Variants in SMIM36 observed in about 807,000 individuals in gnomAD.
SMIM36 encodes the protein small integral membrane protein 36.
intron 3 of SMIM36, among the ~76,000 whole-genome samples, chr17:55,477,987 T>C (rs1909454123): frequency 6.6e-6 from 1 of 151,786 alleles, no homozygotes; most frequent in Non-Finnish European, 1.5e-5. Flanking sequence ...CAAAGGGAGA[T>C]AAGGCTCTGC....
chr17:55,525,104 T>C, the SMIM36 span, among the ~76,000 whole-genome samples: 1 of 152,226 alleles, frequency 6.6e-6, no homozygotes, highest in Non-Finnish European at 1.5e-5. Context: ...CACCTGTAAC[T>C]TCTATACTGT....
intron 1 of SMIM36, among the ~76,000 whole-genome samples, chr17:55,490,413 G>T (rs948805260): frequency 2.0e-4 from 31 of 152,146 alleles, no homozygotes; most frequent in African/African-American, 6.8e-4. Flanking sequence ...ATAAGCCAGA[G>T]CAAAACCCAC....
chr17:55,517,493 G>A, the SMIM36 span, among the ~76,000 whole-genome samples: 7 of 152,344 alleles, frequency 4.6e-5, no homozygotes, highest in Admixed American at 2.0e-4. Context: ...AACCTGGGAG[G>A]TGAAGGCTGC....
At chr17:55,492,201 C>T (rs1378499490) in intron 1 of SMIM36, among the ~76,000 whole-genome samples, 18 of 148,758 alleles carry the variant, frequency 1.2e-4, no homozygotes, top group Non-Finnish European at 2.4e-4. Flanking sequence ...GCAAACTCCT[C>T]TTGATATTGA....
chr17:55,491,523 G>A (rs4471745), intron 1 of SMIM36, among the ~76,000 whole-genome samples: 9,896 of 152,082 alleles, frequency 0.065, 367 homozygotes, highest in East Asian at 0.13. Flanking sequence ...GTTGGAAATG[G>A]CAATGTAACT....
chr17:55,514,325 C>A (rs1288454425), upstream of SMIM36, among the ~76,000 whole-genome samples: 1 of 152,134 alleles, frequency 6.6e-6, no homozygotes, highest in Non-Finnish European at 1.5e-5. Context: ...CTTGAGGTAG[C>A]CTTGACATAC....
intron 1 of SMIM36, among the ~76,000 whole-genome samples, chr17:55,502,081 G>C (rs374020013): frequency 6.6e-6 from 1 of 151,718 alleles, no homozygotes; most frequent in African/African-American, 2.4e-5. Context: ...CTACGCCCAC[G>C]GAATCTCGCT....
intron 1 of SMIM36, among the ~76,000 whole-genome samples, chr17:55,500,678 T>C (rs1158046244): frequency 6.8e-6 from 1 of 148,006 alleles, no homozygotes. Context: ...AAATAAAATA[T>C]TCTTCTCTCT....
At chr17:55,480,016 C>T (rs1375847512) in intron 1 of SMIM36, among the ~76,000 whole-genome samples, 1 of 152,090 alleles carries the variant, frequency 6.6e-6, no homozygotes, top group Non-Finnish European at 1.5e-5. Flanking sequence ...CCCCCTACTC[C>T]CCCACTCCCT....
At chr17:55,528,547 TTTC>T in the SMIM36 span, among the ~76,000 whole-genome samples, 424 of 151,308 alleles carry the variant, frequency 2.8e-3, 2 homozygotes, top group Non-Finnish European at 4.9e-3. Flanking sequence ...TTTTTTTTCT[TTTC>T]TTTTCTTTTT....
chr17:55,468,275 C>A, intron 3 of SMIM36: 1 of 152,644 alleles, frequency 6.6e-6, no homozygotes, highest in Non-Finnish European at 1.5e-5. Context: ...ACCTCAGGTC[C>A]TCAGACCAGC....
chr17:55,489,785 G>C (rs1909669544), intron 1 of SMIM36, among the ~76,000 whole-genome samples: 1 of 152,128 alleles, frequency 6.6e-6, no homozygotes, highest in African/African-American at 2.4e-5. Flanking sequence ...ATAATCCTAT[G>C]GCTCTTATCA....
intron 1 of SMIM36, among the ~76,000 whole-genome samples, chr17:55,494,635 T>A (rs1213819025): frequency 6.6e-6 from 1 of 152,212 alleles, no homozygotes; most frequent in Non-Finnish European, 1.5e-5. Flanking sequence ...TGTGTATATG[T>A]AATATGTAAG....
intron 4 of SMIM36, among the ~76,000 whole-genome samples, chr17:55,457,285 T>G (rs1258209504): frequency 1.3e-5 from 2 of 151,288 alleles, no homozygotes; most frequent in Non-Finnish European, 2.9e-5. Flanking sequence ...CCATCCCTAC[T>G]AAAAATACAA....
intron 2 of SMIM36, among the ~76,000 whole-genome samples, chr17:55,479,122 G>C (rs993180670): frequency 5.3e-5 from 8 of 152,208 alleles, no homozygotes; most frequent in Non-Finnish European, 1.0e-4. Flanking sequence ...TCCAAGGACA[G>C]AGGATTTCTC....
Position 55,469,510 on chromosome 17 carries a change from A to G in SMIM36, c.*348-2182T>C, listed in dbSNP as rs149936446. Among the ~76,000 whole-genome samples the G allele has an allele frequency of 2.5e-3, 375 of 152,316 alleles. 3 individuals are homozygous for G. The highest frequency in any genetic ancestry group is 8.8e-3 in the African/African-American group (364 of 41,558). ...TTTTATCACCCAGTCCACTCCTGACATTAGAAAAAGCTCCAAAAATTAGAT... is the reference window on the plus strand; with the variant it reads ...TTTTATCACCCAGTCCACTCCTGACGTTAGAAAAAGCTCCAAAAATTAGAT... On this transcript the variant is annotated intron_variant, in intron 3 of 4. Transcript: ENST00000636752.
At chr17:55,478,925 C>T (rs996689514) in intron 2 of SMIM36, 112 bp from the exon 3 acceptor site, 15 of 152,186 alleles carry the variant, frequency 9.9e-5, no homozygotes, top group Admixed American at 7.9e-4. Context: ...GAGAATGCAA[C>T]CCCTTTGCAG....
At chr17:55,450,629 G>T (rs1908894784) in intron 4 of SMIM36, among the ~76,000 whole-genome samples, 1 of 152,162 alleles carries the variant, frequency 6.6e-6, no homozygotes, top group Non-Finnish European at 1.5e-5. Flanking sequence ...CCCAGACGTG[G>T]AACCCGGGTG....
intron 1 of SMIM36, among the ~76,000 whole-genome samples, chr17:55,488,969 A>G (rs1909655288): frequency 6.6e-6 from 1 of 152,132 alleles, no homozygotes; most frequent in Non-Finnish European, 1.5e-5. Context: ...GGTCTGGCAA[A>G]TATCCAAGCA....
Sources: gnomAD v4.1 joint callset for allele counts (sites outside exome capture counted in the v4.1 genomes callset) on GRCh38, gnomAD v4.1.1 for gene constraint, MANE v1.5 for transcripts, NCBI Gene and HGNC (gene_info 2026-07-23, HGNC 2026-07-21) for gene names.